The following C4orf51 variants were observed in gnomAD, a reference collection of about 807,000 sequenced individuals.
C4orf51 encodes the protein uncharacterized protein C4orf51.
Under a neutral mutation model 25.2 loss-of-function variants are expected in C4orf51, and 25 were observed. The ratio of observed to expected loss-of-function variants is 0.99; its 90% CI spans 0.72 to 1.39. The LOEUF (loss-of-function observed/expected upper bound fraction) is 1.39. C4orf51 is among the 40% of genes most tolerant of loss of function. C4orf51 has a pLI of 0.00. For missense variants in C4orf51, 252 were observed against 239.6 expected (o/e 1.05, Z -0.34); for synonymous variants, 100 against 84.5 (o/e 1.18, Z -1.01).
chr4:145,766,026 C>A lies in C4orf51; in HGVS notation n.167-4962C>A, dbSNP rs1359615717. 5.9e-5 allele frequency among the ~76,000 whole-genome samples: 9 copies of A among 152,300 alleles called. No homozygotes were observed. In the South Asian group the frequency reaches 1.7e-3, roughly 28 times the overall value. ...AGCTAAGACATACTAAACATGTTAC[C>A]ACGTTCCAGGAACTGTATTATACTT... On this transcript the variant is annotated intron_variant and non_coding_transcript_variant, in intron 1 of 1. Transcript: ENST00000510096.
intron 1 of C4orf51, among the ~76,000 whole-genome samples, chr4:145,689,805 G>A (rs904727624): frequency 7.9e-5 from 12 of 152,188 alleles, no homozygotes; most frequent in Admixed American, 6.5e-4. Context: ...GGGAAAACTG[G>A]CTAACCATAT....
chr4:145,720,891 A>G (rs1731700297), intron 2 of C4orf51, among the ~76,000 whole-genome samples: 1 of 152,182 alleles, frequency 6.6e-6, no homozygotes, highest in Non-Finnish European at 1.5e-5. Flanking sequence ...CAGCTGCCCA[A>G]GGTTTGCAAC....
Position 145,726,980 on chromosome 4 carries a change from C to T in C4orf51, c.366+11C>T. Reference sequence around the variant, plus strand: ...GTCAAGCATGGAGTGGTAAGCCCAACATTTCTCAGCAATCTCTTACCTGTA... The same window carrying T: ...GTCAAGCATGGAGTGGTAAGCCCAATATTTCTCAGCAATCTCTTACCTGTA... On this transcript the variant is annotated intron_variant, in intron 3 of 5. Transcript: ENST00000438731. The T allele has an allele frequency of 6.2e-7, 1 of 1,605,790 alleles. No individual in the cohort carries two copies. Among genetic ancestry groups the T allele is most frequent in the Non-Finnish European group, 8.5e-7 (1 of 1,172,604 alleles).
At chr4:145,707,917 C>T (rs1007767026) in intron 2 of C4orf51, among the ~76,000 whole-genome samples, 1 of 152,218 alleles carries the variant, frequency 6.6e-6, no homozygotes, top group Non-Finnish European at 1.5e-5. Context: ...GCAGACAGCC[C>T]CTTCAGCTCA....
At chr4:145,728,407 A>G (rs1306991593) in intron 3 of C4orf51, among the ~76,000 whole-genome samples, 1 of 152,188 alleles carries the variant, frequency 6.6e-6, no homozygotes, top group Non-Finnish European at 1.5e-5. Context: ...GAAGTCAAGC[A>G]TCTTCTCCTA....
the C4orf51 span, among the ~76,000 whole-genome samples, chr4:145,789,891 T>C: frequency 6.6e-6 from 1 of 152,304 alleles, no homozygotes; most frequent in East Asian, 1.9e-4. Context: ...GGAGAGAGAA[T>C]GGTGGAATTT....
At chr4:145,691,997 A>ACC in intron 1 of C4orf51, among the ~76,000 whole-genome samples, 1 of 152,230 alleles carries the variant, frequency 6.6e-6, no homozygotes, top group African/African-American at 2.4e-5. Flanking sequence ...GTAAGTTGAT[A>ACC]TTGCTCTTTA....
At chr4:145,712,171 C>T (rs914648718) in intron 2 of C4orf51, among the ~76,000 whole-genome samples, 32 of 152,272 alleles carry the variant, frequency 2.1e-4, no homozygotes, top group African/African-American at 7.7e-4. Flanking sequence ...TAAGACACAA[C>T]AATATTGAAA....
chr4:145,736,640 C>T (rs1412303009), downstream of C4orf51, among the ~76,000 whole-genome samples: 2 of 152,224 alleles, frequency 1.3e-5, no homozygotes, highest in African/African-American at 4.8e-5. Context: ...TATTTGCTCT[C>T]CAATCGGCTT....
At chr4:145,703,396 C>T (rs1730592581) in intron 2 of C4orf51, among the ~76,000 whole-genome samples, 1 of 152,134 alleles carries the variant, frequency 6.6e-6, no homozygotes, top group Admixed American at 6.5e-5. Context: ...CCCTTAACTC[C>T]CTTCACTGAC....
At chr4:145,720,000 G>A (rs1158031877) in intron 2 of C4orf51, among the ~76,000 whole-genome samples, 2 of 152,130 alleles carry the variant, frequency 1.3e-5, no homozygotes, top group Admixed American at 6.5e-5. Context: ...AGCTTGGTTG[G>A]TTTTGTTTTG....
chr4:145,736,513 C>A (rs1278561398), downstream of C4orf51, among the ~76,000 whole-genome samples: 2 of 152,174 alleles, frequency 1.3e-5, no homozygotes, highest in Admixed American at 1.3e-4. Flanking sequence ...CTGGGCGCAA[C>A]AGCTGCCGTC....
At chr4:145,727,666 AG>A (rs1322286810) in intron 3 of C4orf51, among the ~76,000 whole-genome samples, 1 of 151,382 alleles carries the variant, frequency 6.6e-6, no homozygotes, top group Admixed American at 6.6e-5. Context: ...ACCTGAGGTC[AG>A]GAGTTTGAGA....
chr4:145,761,004 G>C lies in C4orf51; in HGVS notation n.167-9984G>C. On this transcript the variant is annotated intron_variant and non_coding_transcript_variant, in intron 1 of 1. Transcript: ENST00000510096. The surrounding 1 kb of genome is among the most constrained non-coding windows in gnomAD (Gnocchi z 6.8). ...TGAAGGCCAAAGCCTTGAGTGCCAG[G>C]TTGGGCTCTGAGCTGCTGCCGTGGG... is the stretch of plus-strand genomic sequence containing the variant. The C allele has an allele frequency of 2.4e-6, 3 of 1,268,880 alleles. No homozygotes were observed. Among genetic ancestry groups the C allele is most frequent in the South Asian group, 1.3e-5 (1 of 78,252 alleles). The allele number at this position is 1,268,880 out of a possible 1,614,324, so 78.6% of individuals were successfully genotyped here. A position where few individuals can be genotyped will look rare whatever the true frequency, so the allele number is the denominator to read the frequency against.
chr4:145,753,200 C>T (rs149610922), intron 1 of C4orf51, among the ~76,000 whole-genome samples: 3 of 146,232 alleles, frequency 2.1e-5, no homozygotes, highest in African/African-American at 8.0e-5. Context: ...TTTGGTGTTT[C>T]TGGTGGGGGA....
At chr4:145,755,475 G>T (rs891525390), downstream of C4orf51, among the ~76,000 whole-genome samples, 25 of 152,198 alleles carry the variant, frequency 1.6e-4, no homozygotes, top group Non-Finnish European at 3.1e-4. Context: ...AATTCCAGGG[G>T]AATATAGCAA....
chr4:145,745,868 C>T lies in C4orf51; in HGVS notation n.168-8339C>T, dbSNP rs560803907. Reference sequence around the variant, plus strand: ...GTGTACTAGGGTTCCCTTTTCTCTACATCCTCACCAGCATTTGTTGTTGCC... The same window carrying T: ...GTGTACTAGGGTTCCCTTTTCTCTATATCCTCACCAGCATTTGTTGTTGCC... On this transcript the variant is annotated intron_variant and non_coding_transcript_variant, in intron 1 of 1. Coordinates refer to the C4orf51 transcript ENST00000508981. Among the ~76,000 whole-genome samples, 9 of 152,324 alleles carry T rather than the reference C, an allele frequency of 5.9e-5. 1 individual carries two copies. The South Asian group carries it at 1.9e-3, about 32-fold the overall frequency.
intron 1 of C4orf51, among the ~76,000 whole-genome samples, chr4:145,690,950 C>A (rs1729519242): frequency 6.6e-6 from 1 of 151,382 alleles, no homozygotes; most frequent in African/African-American, 2.4e-5. Flanking sequence ...CTCCCACCCC[C>A]CACAAAAAAA....
At chr4:145,775,776 A>C (rs975713231), downstream of C4orf51, 1 of 1,614,096 alleles carries the variant, frequency 6.2e-7, no homozygotes, top group Non-Finnish European at 8.5e-7. Context: ...AGCATGTTCC[A>C]TCTGCAACTC....
Sources: gnomAD v4.1 joint callset for allele counts (sites outside exome capture counted in the v4.1 genomes callset) on GRCh38, gnomAD v4.1.1 for gene constraint, Gnocchi (gnomAD v3.1) non-coding constraint, MANE v1.5 for transcripts, NCBI Gene and HGNC (gene_info 2026-07-23, HGNC 2026-07-21) for gene names.